The following ADAMTSL1 variants were observed in gnomAD, a reference collection of about 807,000 sequenced individuals.
ADAMTSL1 encodes ADAMTS-like protein 1.
In ADAMTSL1, 126 loss-of-function variants were observed where a neutral mutation model predicts 201.8. The ratio of observed to expected loss-of-function variants is 0.62; its 90% CI spans 0.54 to 0.72. The LOEUF is 0.72. Among genes scored for constraint, ADAMTSL1 ranks in the 30% least tolerant of loss-of-function variants. ADAMTSL1 has a pLI of 0.00. For synonymous variants in ADAMTSL1, 1,121 were observed against 903.4 expected, an observed-to-expected ratio of 1.24 and a Z score of -4.32; for missense variants, 2,679 against 2,277.8, an observed-to-expected ratio of 1.18 and a Z score of -3.59.
intron 16 of ADAMTSL1, among the ~76,000 whole-genome samples, chr9:18,764,787 T>A (rs145384372): frequency 1.3e-5 from 2 of 152,336 alleles, no homozygotes; most frequent in Non-Finnish European, 2.9e-5. Flanking sequence ...ATTGATAATA[T>A]CCTAAAAGCT....
At chr9:18,830,697 G>A (rs895932689) in intron 23 of ADAMTSL1, among the ~76,000 whole-genome samples, 16 of 152,106 alleles carry the variant, frequency 1.1e-4, no homozygotes, top group African/African-American at 3.6e-4. Flanking sequence ...CAAGGTGGAA[G>A]AGAAGAATTC....
intron 2 of ADAMTSL1, among the ~76,000 whole-genome samples, chr9:18,346,948 C>G (rs962501366): frequency 1.3e-5 from 2 of 152,152 alleles, no homozygotes; most frequent in African/African-American, 2.4e-5. Flanking sequence ...GTAGAAGCAA[C>G]TCTTTGCCTC....
At chr9:17,984,407 T>C (rs1051682933) in intron 1 of ADAMTSL1, among the ~76,000 whole-genome samples, 3 of 152,152 alleles carry the variant, frequency 2.0e-5, no homozygotes, top group African/African-American at 7.2e-5. Context: ...TACATGCTTT[T>C]TTCTAGCCTT....
At chr9:18,542,863 C>A (rs574859985) in intron 3 of ADAMTSL1, among the ~76,000 whole-genome samples, 2 of 152,288 alleles carry the variant, frequency 1.3e-5, no homozygotes, top group Non-Finnish European at 2.9e-5. Flanking sequence ...TTCCAAAGAT[C>A]AGCCTTATTC....
intron 2 of ADAMTSL1, among the ~76,000 whole-genome samples, chr9:18,453,881 A>T (rs149160518): frequency 2.0e-5 from 3 of 152,330 alleles, no homozygotes; most frequent in African/African-American, 7.2e-5. Flanking sequence ...ATTAGTGAGC[A>T]AATTCTAGAA....
At chr9:18,135,298 A>T (rs913047314) in intron 1 of ADAMTSL1, among the ~76,000 whole-genome samples, 2 of 152,212 alleles carry the variant, frequency 1.3e-5, no homozygotes, top group African/African-American at 4.8e-5. Flanking sequence ...TTTCAAGGAT[A>T]AACTTAAACA....
intron 2 of ADAMTSL1, among the ~76,000 whole-genome samples, chr9:18,312,180 T>G (rs1834183047): frequency 6.6e-6 from 1 of 152,172 alleles, no homozygotes; most frequent in African/African-American, 2.4e-5. Flanking sequence ...AGGACAAGCT[T>G]AGGAATTTGA....
At chr9:18,628,100 A>G (rs1331638429) in intron 5 of ADAMTSL1, among the ~76,000 whole-genome samples, 1 of 152,166 alleles carries the variant, frequency 6.6e-6, no homozygotes, top group Non-Finnish European at 1.5e-5. Context: ...TTTCATTTGG[A>G]TGAAGACCAC....
At chr9:17,934,281 C>G (rs1482595464) in intron 1 of ADAMTSL1, among the ~76,000 whole-genome samples, 2 of 152,110 alleles carry the variant, frequency 1.3e-5, no homozygotes, top group East Asian at 3.9e-4. Context: ...AGCTTTATTC[C>G]TGTCTTTAAA....
chr9:18,835,021 T>C (rs1825228454), intron 23 of ADAMTSL1, among the ~76,000 whole-genome samples: 1 of 152,148 alleles, frequency 6.6e-6, no homozygotes, highest in Non-Finnish European at 1.5e-5. Flanking sequence ...AGGTATATAT[T>C]TAACATTTTA....
chr9:18,354,284 G>A (rs935420990), intron 2 of ADAMTSL1, among the ~76,000 whole-genome samples: 8 of 151,760 alleles, frequency 5.3e-5, no homozygotes, highest in African/African-American at 1.9e-4. Flanking sequence ...GAAAGGTTTT[G>A]ATAATATAAA....
At chr9:18,470,559 G>A (rs1328017250), upstream of ADAMTSL1, among the ~76,000 whole-genome samples, 2 of 152,184 alleles carry the variant, frequency 1.3e-5, no homozygotes, top group Non-Finnish European at 2.9e-5. Context: ...TCCCAGCCCT[G>A]AGTTCTTTCC....
At chr9:18,339,858 A>G (rs1299890801) in intron 2 of ADAMTSL1, among the ~76,000 whole-genome samples, 1 of 151,698 alleles carries the variant, frequency 6.6e-6, no homozygotes, top group Non-Finnish European at 1.5e-5. Flanking sequence ...CCATCCATCC[A>G]CCTCTCATTC....
At chr9:18,853,887 C>CTGTGTGTG (rs529993480) in intron 23 of ADAMTSL1, among the ~76,000 whole-genome samples, 7,273 of 80,496 alleles carry the variant, frequency 0.09, 449 homozygotes, top group East Asian at 0.28. Context: ...TGTATTCACT[C>CTGTGTGTG]TCTGTGTGTG....
intron 2 of ADAMTSL1, among the ~76,000 whole-genome samples, chr9:18,356,426 G>T (rs944442308): frequency 6.6e-6 from 1 of 150,842 alleles, no homozygotes; most frequent in Non-Finnish European, 1.5e-5. Context: ...TACTTGGGAT[G>T]CTAAGGCAGG....
intron 1 of ADAMTSL1, among the ~76,000 whole-genome samples, chr9:18,065,692 T>A (rs77738830): frequency 6.6e-6 from 1 of 152,100 alleles, no homozygotes; most frequent in African/African-American, 2.4e-5. Context: ...TCTTAAGTGT[T>A]AGAAAGGGCC....
At chr9:18,120,768 G>A (rs890836699) in intron 1 of ADAMTSL1, among the ~76,000 whole-genome samples, 1 of 152,072 alleles carries the variant, frequency 6.6e-6, no homozygotes, top group African/African-American at 2.4e-5. Flanking sequence ...AGTTTAAGAA[G>A]CATCAGTGTA....
intron 1 of ADAMTSL1, among the ~76,000 whole-genome samples, chr9:18,003,374 T>G (rs1819690494): frequency 6.6e-6 from 1 of 152,040 alleles, no homozygotes; most frequent in African/African-American, 2.4e-5. Flanking sequence ...GAGGATACCA[T>G]CATACCTGCA....
rs148813888 is a variant in ADAMTSL1, at chr9:18,139,404, T to G, written c.88-24458T>G. ...ACAGCAACAAGAGTGTCTTCATTTGTGATGAATGAAAGCTTCCCAAAGTGG... is the reference window on the plus strand; with the variant it reads ...ACAGCAACAAGAGTGTCTTCATTTGGGATGAATGAAAGCTTCCCAAAGTGG... On this transcript the variant is annotated intron_variant, in intron 1 of 29. Transcript: ENST00000680146. 5.0e-3 allele frequency among the ~76,000 whole-genome samples: 762 copies of G among 152,272 alleles called. 10 individuals carry two copies. The highest frequency in any genetic ancestry group is 0.018 in the African/African-American group (735 of 41,566).
Sources: gnomAD v4.1 joint callset for allele counts (sites outside exome capture counted in the v4.1 genomes callset) on GRCh38, gnomAD v4.1.1 for gene constraint, MANE v1.5 for transcripts, NCBI Gene and HGNC (gene_info 2026-07-23, HGNC 2026-07-21) for gene names.